Variants in KIF1A observed in about 807,000 individuals in gnomAD.
KIF1A encodes kinesin-like protein KIF1A.
KIF1A carries 46 observed loss-of-function variants against 227.3 expected under a neutral mutation model. That is an observed-to-expected ratio of 0.20 (90% CI 0.16 to 0.26). KIF1A has a LOEUF of 0.26. KIF1A is among the 10% of genes least tolerant of loss of function. The probability of loss-of-function intolerance (pLI) is 1.00; values close to 1 mark genes in which losing one functional copy is unlikely to be tolerated. For missense variants in KIF1A, 1,683 were observed against 2,485.9 expected (o/e 0.68, Z 6.87); for synonymous variants, 1,022 against 1,012.8 (o/e 1.01, Z -0.17).
intron 33 of KIF1A, 22 bp downstream of exon 33, chr2:240,743,919 AC>A: frequency 2.6e-6 from 4 of 1,512,314 alleles, no homozygotes; most frequent in Non-Finnish European, 2.8e-6. Flanking sequence ...GCAGCCCCGA[AC>A]CCCCCGACCC....
chr2:240,820,258 C>T (rs937204475), upstream of KIF1A: 26 of 150,058 alleles, frequency 1.7e-4, no homozygotes, highest in African/African-American at 5.8e-4. This position sits in a 1 kb window ranked among gnomAD's most constrained non-coding sequence, Gnocchi z 6.2. Flanking sequence ...GCCCCCGGCC[C>T]GGACCGCCCC....
At chr2:240,802,452 C>T (rs1223666144) in intron 1 of KIF1A, among the ~76,000 whole-genome samples, 3 of 152,180 alleles carry the variant, frequency 2.0e-5, no homozygotes, top group Non-Finnish European at 4.4e-5. Flanking sequence ...AAAAGGTCAA[C>T]TCAGTATGAA....
intron 20 of KIF1A, among the ~76,000 whole-genome samples, chr2:240,764,903 G>A (rs973347688): frequency 3.3e-5 from 5 of 150,784 alleles, no homozygotes; most frequent in South Asian, 4.2e-4. Context: ...ACCCTGCCCC[G>A]AGTTCCCAGC....
chr2:240,719,254 G>C, intron 46 of KIF1A, 56 bp from the exon 47 acceptor site: 1 of 1,545,980 alleles, frequency 6.5e-7, no homozygotes, highest in Non-Finnish European at 8.8e-7. Flanking sequence ...CGACTGACTC[G>C]GGCACTCACC....
upstream of KIF1A, among the ~76,000 whole-genome samples, chr2:240,821,361 C>T (rs2058692879): frequency 6.6e-6 from 1 of 152,246 alleles, no homozygotes; most frequent in African/African-American, 2.4e-5. Flanking sequence ...CAGCTGCGTG[C>T]GAGCGCCTTG....
chr2:240,761,040 A>G (rs563481936), intron 24 of KIF1A, among the ~76,000 whole-genome samples, 189 bp downstream of exon 24: 6 of 152,222 alleles, frequency 3.9e-5, no homozygotes, highest in African/African-American at 1.4e-4. Flanking sequence ...GTGAGCAGCC[A>G]AGTCCCACCT....
At chr2:240,742,110 A>G (rs919220286) in intron 34 of KIF1A, among the ~76,000 whole-genome samples, 22 of 152,202 alleles carry the variant, frequency 1.4e-4, no homozygotes, top group Non-Finnish European at 2.9e-4. Flanking sequence ...CAGCAGCTGG[A>G]GGGTGTCCTC....
rs535086399 is a variant in KIF1A, at chr2:240,737,280, G to C, written c.3902-112C>G. The C allele has an allele frequency of 6.1e-6, 5 of 820,190 alleles. No homozygotes were observed. The East Asian group carries it at 1.2e-4, about 20-fold the overall frequency. The allele number at this position is 820,190 out of a possible 1,614,324, so 50.8% of individuals were successfully genotyped here. On this transcript the variant is annotated intron_variant, in intron 37 of 48. Coordinates refer to ENST00000498729, the MANE Select transcript of KIF1A (RefSeq NM_001244008.2). ...AAGCCAGCTCCCCACATGGTCACTAGAGCGTCTGTCAAAGGCGGTGCCAGG... is the reference window on the plus strand; with the variant it reads ...AAGCCAGCTCCCCACATGGTCACTACAGCGTCTGTCAAAGGCGGTGCCAGG...
intron 14 of KIF1A, among the ~76,000 whole-genome samples, chr2:240,771,912 C>T (rs1001904441): frequency 6.6e-6 from 1 of 152,154 alleles, no homozygotes; most frequent in Non-Finnish European, 1.5e-5. Context: ...CTAGCGGAAG[C>T]GAACACACAG....
chr2:240,748,644 C>A, intron 28 of KIF1A: 1 of 289,812 alleles, frequency 3.5e-6, no homozygotes. Context: ...CTGAGTATTG[C>A]AGCCCTGGTA....
rs1454271542 is a variant in KIF1A at position 240,766,749 on chromosome 2, T to TCTCTCACACACACA, written c.1684+165_1684+166insTGTGTGTGTGAGAG. Among the ~76,000 whole-genome samples the TCTCTCACACACACA allele has an allele frequency of 1.0e-3, 111 of 109,018 alleles. 3 individuals carry two copies. The highest frequency in any genetic ancestry group is 4.1e-3 in the African/African-American group (100 of 24,160). 71.5% of individuals were successfully genotyped at this position (109,018 alleles called of 152,430 possible). A position where few individuals can be genotyped will look rare whatever the true frequency, so the allele number is the denominator to read the frequency against. ...CTCTCTCTCTCTCTCTCTCTCTCTC[T>TCTCTCACACACACA]CACACACACACACACACACACACAC... On this transcript the variant is annotated intron_variant, in intron 19 of 48. Coordinates refer to ENST00000498729, the MANE Select transcript of KIF1A (RefSeq NM_001244008.2). The surrounding 1 kb of genome is among the most constrained non-coding windows in gnomAD (Gnocchi z 5.0).
In KIF1A at chr2:240,750,417, G is replaced by A; in HGVS notation, c.2977+12C>T. 6.2e-7 allele frequency: 1 copy of A among 1,601,216 alleles called. No homozygotes were observed. The highest frequency in any genetic ancestry group is 1.1e-5 in the South Asian group (1 of 90,700). ...GCTCCAATGCCACACACGGCCTTTG[G>A]CCCACACGCACCTGAGATGGCCTGG... is the stretch of plus-strand genomic sequence containing the variant. On this transcript the variant is annotated intron_variant, in intron 28 of 48. Coordinates refer to ENST00000498729, the MANE Select transcript of KIF1A (RefSeq NM_001244008.2).
chr2:240,751,077 A>C (rs2049149831), intron 27 of KIF1A, among the ~76,000 whole-genome samples: 1 of 152,074 alleles, frequency 6.6e-6, no homozygotes, highest in Admixed American at 6.5e-5. Flanking sequence ...CCCAGGGCCC[A>C]GGGAGGTGCT....
At chr2:240,741,096 C>T (rs1020393831) in intron 35 of KIF1A, among the ~76,000 whole-genome samples, 173 bp downstream of exon 35, 9 of 152,108 alleles carry the variant, frequency 5.9e-5, no homozygotes, top group Admixed American at 5.9e-4. Context: ...ACTTTGTCTG[C>T]TTTTACTCCC....
At chr2:240,747,854 C>T (rs2048785474) in intron 28 of KIF1A, among the ~76,000 whole-genome samples, 2 of 152,248 alleles carry the variant, frequency 1.3e-5, no homozygotes, top group Non-Finnish European at 2.9e-5. Flanking sequence ...GACCTGCTGC[C>T]TAAAGCCCTG....
chr2:240,722,750 A>G, intron 42 of KIF1A, 94 bp from the exon 43 acceptor site: 1 of 1,021,564 alleles, frequency 9.8e-7, no homozygotes, highest in East Asian at 2.8e-5. Context: ...CTCTGGGCAG[A>G]CCCCGGAGAG....
At position 240,727,041 on chromosome 2, in the gene KIF1A, C is replaced by T. The variant is rs966780480; in HGVS notation, c.4008-101G>A. 19 of 668,418 alleles carry T rather than the reference C, an allele frequency of 2.8e-5. No homozygotes were observed. In the East Asian group the frequency reaches 3.7e-4, roughly 13 times the overall value. 41.4% of individuals were successfully genotyped at this position (668,418 alleles called of 1,614,324 possible). On this transcript the variant is annotated intron_variant, in intron 38 of 48. Coordinates refer to ENST00000498729, the MANE Select transcript of KIF1A (RefSeq NM_001244008.2). ...GACAGAGCGACAGACAAGGGGCAGC[C>T]GCAAGGGAGCGGCTGGGGGCACAGG...
Position 240,752,692 on chromosome 2 carries a change from G to T in KIF1A, c.2859-2145C>A, listed in dbSNP as rs536384586. Among the ~76,000 whole-genome samples, 3 of 151,498 alleles carry T rather than the reference G, an allele frequency of 2.0e-5. No individual in the cohort carries two copies. The highest frequency in any genetic ancestry group is 3.9e-4 in the East Asian group (2 of 5,090). On this transcript the variant is annotated intron_variant, in intron 27 of 48. Transcript: ENST00000498729. The surrounding 1 kb of genome is among the most constrained non-coding windows in gnomAD (Gnocchi z 6.4). ...GCTCTGAGCCAGCCCCTGCCCTCCA[G>T]CCCCCACCCACCCCACATTTTCCCA...
chr2:240,748,908 GTCAGGAGT>G (rs1319979317), intron 28 of KIF1A, among the ~76,000 whole-genome samples: 2 of 152,136 alleles, frequency 1.3e-5, no homozygotes, highest in Non-Finnish European at 2.9e-5. Flanking sequence ...ATTACTTGAG[GTCAGGAGT>G]TCGAGAGCAG....
Sources: gnomAD v4.1 joint callset for allele counts (sites outside exome capture counted in the v4.1 genomes callset) on GRCh38, gnomAD v4.1.1 for gene constraint, Gnocchi (gnomAD v3.1) non-coding constraint, MANE v1.5 for transcripts, NCBI Gene and HGNC (gene_info 2026-07-23, HGNC 2026-07-21) for gene names.